The following TMEM178B variants were observed in gnomAD, a reference collection of about 807,000 sequenced individuals.
The protein encoded by TMEM178B is transmembrane protein 178B.
Under a neutral mutation model 31.0 loss-of-function variants are expected in TMEM178B, and 5 were observed. The observed-to-expected ratio is 0.16, with a 90% CI of 0.08 to 0.34. The LOEUF (loss-of-function observed/expected upper bound fraction) is 0.34. Ranked by LOEUF, TMEM178B falls within the 10% of genes least tolerant of loss-of-function variation. The pLI is 1.00. For synonymous variants in TMEM178B, 164 were observed against 164.0 expected (o/e 1.00, Z 0.00); for missense variants, 275 against 400.3 (o/e 0.69, Z 2.67).
chr7:141,138,754 G>A (rs1350733187), intron 1 of TMEM178B, among the ~76,000 whole-genome samples: 1 of 151,772 alleles, frequency 6.6e-6, no homozygotes, highest in African/African-American at 2.4e-5. Flanking sequence ...AGGCTGAGGC[G>A]GGTGGATCAC....
At chr7:141,443,851 A>G (rs557042557) in intron 3 of TMEM178B, among the ~76,000 whole-genome samples, 1 of 152,262 alleles carries the variant, frequency 6.6e-6, no homozygotes, top group Non-Finnish European at 1.5e-5. Flanking sequence ...TCAGTCATTT[A>G]TACCAGTGTG....
At chr7:141,161,942 G>A (rs1796180493) in intron 1 of TMEM178B, among the ~76,000 whole-genome samples, 1 of 116,132 alleles carries the variant, frequency 8.6e-6, no homozygotes, top group Non-Finnish European at 1.8e-5. Flanking sequence ...GTTTGTGTGA[G>A]GATTTGTGAG....
chr7:141,403,111 A>C (rs1800815563), intron 2 of TMEM178B, among the ~76,000 whole-genome samples: 1 of 152,208 alleles, frequency 6.6e-6, no homozygotes, highest in Non-Finnish European at 1.5e-5. Context: ...ATAAGCCTAC[A>C]AGGCTGTTAA....
Position 141,163,355 on chromosome 7 carries a change from A to AGTG in TMEM178B, c.383-49236_383-49235insGTG, listed in dbSNP as rs1220384784. On this transcript the variant is annotated intron_variant, in intron 1 of 3. Coordinates refer to ENST00000565468, the MANE Select transcript of TMEM178B (RefSeq NM_001195278.2). ...CTCACCATATGATATTGACCAAAAC[A>AGTG]AGTTATGTGGCTGAGCTCAGATTCA... Among the ~76,000 whole-genome samples the AGTG allele has an allele frequency of 4.0e-3, 614 of 152,244 alleles. 7 individuals are homozygous for AGTG. Among genetic ancestry groups the AGTG allele is most frequent in the African/African-American group, 0.014 (584 of 41,548 alleles).
chr7:141,222,075 CT>C (rs1238260734), intron 2 of TMEM178B, among the ~76,000 whole-genome samples: 1 of 152,060 alleles, frequency 6.6e-6, no homozygotes, highest in African/African-American at 2.4e-5. Context: ...CATGGGTAGG[CT>C]TGGGATGGGA....
chr7:141,278,061 A>T (rs1323717515), intron 2 of TMEM178B, among the ~76,000 whole-genome samples: 2 of 152,258 alleles, frequency 1.3e-5, no homozygotes, highest in Admixed American at 6.5e-5. Flanking sequence ...AATTCTTCTT[A>T]GATTTAAAAT....
chr7:141,279,679 C>A (rs990935848), intron 2 of TMEM178B, among the ~76,000 whole-genome samples: 1 of 152,214 alleles, frequency 6.6e-6, no homozygotes, highest in Non-Finnish European at 1.5e-5. Flanking sequence ...CCCTGGGCCT[C>A]AGGTGGGGTT....
rs539769329 is a variant in TMEM178B, at chr7:141,173,742, G to C, written c.383-38849G>C. On this transcript the variant is annotated intron_variant, in intron 1 of 3. Transcript: ENST00000565468. ...TTGGTTGGCCAAGTTTGCCATGGGT[G>C]GGGGAGGATTACTTGTGTCATACAT... Among the ~76,000 whole-genome samples, 19 of 152,258 alleles carry C rather than the reference G, an allele frequency of 1.2e-4. No individual in the cohort carries two copies. In the South Asian group the frequency reaches 3.1e-3, roughly 25 times the overall value.
At chr7:141,366,559 T>C (rs2116556822) in intron 2 of TMEM178B, among the ~76,000 whole-genome samples, 1 of 152,312 alleles carries the variant, frequency 6.6e-6, no homozygotes, top group East Asian at 1.9e-4. Context: ...CTTCTTTGCA[T>C]TCTTGGCATT....
chr7:141,201,704 C>T (rs529354638), intron 1 of TMEM178B, among the ~76,000 whole-genome samples: 7 of 152,242 alleles, frequency 4.6e-5, no homozygotes, highest in Admixed American at 2.0e-4. Flanking sequence ...ACGTCAGATG[C>T]GGGCTAGTGA....
Position 141,471,293 on chromosome 7 carries a change from C to T in TMEM178B, c.*507C>T, listed in dbSNP as rs1355057393. 6.6e-6 allele frequency: 1 copy of T among 152,176 alleles called. No individual in the cohort carries two copies. The highest frequency in any genetic ancestry group is 2.4e-5 in the African/African-American group (1 of 41,422). The allele number at this position is 152,176 out of a possible 1,614,324, so 9.4% of individuals were successfully genotyped here. ...TCGGACTTCCTTCCCAGCCCACCAGCAACACACAAGGAGTGGAAGAGAAAA... is the reference window on the plus strand; with the variant it reads ...TCGGACTTCCTTCCCAGCCCACCAGTAACACACAAGGAGTGGAAGAGAAAA... On this transcript the variant is annotated 3_prime_UTR_variant, in exon 4 of 4. Coordinates refer to ENST00000565468, the MANE Select transcript of TMEM178B (RefSeq NM_001195278.2). The surrounding 1 kb of genome is among the most constrained non-coding windows in gnomAD (Gnocchi z 4.1).
chr7:141,389,348 C>T (rs1288173274), intron 2 of TMEM178B, among the ~76,000 whole-genome samples: 2 of 152,208 alleles, frequency 1.3e-5, no homozygotes, highest in Non-Finnish European at 2.9e-5. Context: ...GCTCTCCTGA[C>T]AGCCCCTTCT....
At chr7:141,451,352 T>G (rs1367018853) in intron 3 of TMEM178B, among the ~76,000 whole-genome samples, 1 of 152,232 alleles carries the variant, frequency 6.6e-6, no homozygotes, top group Non-Finnish European at 1.5e-5. Flanking sequence ...GAGCACTTAG[T>G]ACATTTTTAA....
At chr7:141,147,194 C>A (rs1563099995) in intron 1 of TMEM178B, among the ~76,000 whole-genome samples, 1 of 152,150 alleles carries the variant, frequency 6.6e-6, no homozygotes, top group Non-Finnish European at 1.5e-5. Context: ...AACCTTTCTT[C>A]TTTCCTCCCC....
rs181959684 is a variant in TMEM178B at position 141,307,096 on chromosome 7, A to G, written c.496+94392A>G. On this transcript the variant is annotated intron_variant, in intron 2 of 3. Coordinates refer to ENST00000565468, the MANE Select transcript of TMEM178B (RefSeq NM_001195278.2). ...GCCCTTCACACCATGTTGAGCATAT[A>G]TAATGTACATATTTTTCCTTTCAGA... is the stretch of plus-strand genomic sequence containing the variant. 7.2e-5 allele frequency among the ~76,000 whole-genome samples: 11 copies of G among 152,260 alleles called. No homozygotes were observed. The East Asian group carries it at 2.1e-3, about 29-fold the overall frequency.
At chr7:141,400,226 T>C (rs1322174573) in intron 2 of TMEM178B, among the ~76,000 whole-genome samples, 3 of 152,178 alleles carry the variant, frequency 2.0e-5, no homozygotes, top group Non-Finnish European at 2.9e-5. Context: ...TTTTTATCTT[T>C]CCTGCATCTA....
intron 1 of TMEM178B, among the ~76,000 whole-genome samples, chr7:141,080,833 C>G (rs1416488759): frequency 6.6e-6 from 1 of 152,098 alleles, no homozygotes; most frequent in Admixed American, 6.6e-5. Context: ...CTGAAAAATT[C>G]TTATGGCCTA....
chr7:141,150,947 G>A (rs1490700639), intron 1 of TMEM178B, among the ~76,000 whole-genome samples: 1 of 152,174 alleles, frequency 6.6e-6, no homozygotes, highest in Non-Finnish European at 1.5e-5. Context: ...TAATCTAGAT[G>A]CATGATTAAA....
At chr7:141,333,485 A>G (rs1005468456) in intron 2 of TMEM178B, among the ~76,000 whole-genome samples, 2 of 152,232 alleles carry the variant, frequency 1.3e-5, no homozygotes, top group Admixed American at 6.5e-5. Context: ...TTTAGGTGCC[A>G]TGCAGAATAT....
Sources: gnomAD v4.1 joint callset for allele counts (sites outside exome capture counted in the v4.1 genomes callset) on GRCh38, gnomAD v4.1.1 for gene constraint, Gnocchi (gnomAD v3.1) non-coding constraint, MANE v1.5 for transcripts, NCBI Gene and HGNC (gene_info 2026-07-23, HGNC 2026-07-21) for gene names.